The following PCOLCE2 variants were observed in gnomAD, a reference collection of about 807,000 sequenced individuals.
The protein encoded by PCOLCE2 is procollagen C-endopeptidase enhancer 2, also known as procollagen C-proteinase enhancer 2.
Under a neutral mutation model 47.0 loss-of-function variants are expected in PCOLCE2, and 42 were observed. The observed-to-expected ratio is 0.89, with a 90% confidence interval of 0.70 to 1.16. The LOEUF (loss-of-function observed/expected upper bound fraction) is 1.16, where lower values mean the gene tolerates loss of function less well. Among genes scored for constraint, PCOLCE2 ranks in the 50% most tolerant of loss-of-function variants. The probability of loss-of-function intolerance (pLI) is 0.00; values close to 1 mark genes in which losing one functional copy is unlikely to be tolerated. For synonymous variants in PCOLCE2, 169 were observed against 191.7 expected, an observed-to-expected ratio of 0.88 and a Z score of 0.98; for missense variants, 500 against 526.1, an observed-to-expected ratio of 0.95 and a Z score of 0.49.
intron 2 of PCOLCE2, among the ~76,000 whole-genome samples, chr3:142,872,713 T>TA (rs2108208638): frequency 6.6e-6 from 1 of 152,328 alleles, no homozygotes. Context: ...TGCCTCCTGT[T>TA]ACATGGCTCC....
Position 142,888,980 on chromosome 3 carries a change from C to CGCTCACACTGGCAGCAGCGCTG in PCOLCE2, c.-106_-85dup, listed in dbSNP as rs1553819751. On this transcript the variant is annotated 5_prime_UTR_variant, in exon 1 of 9. Coordinates refer to ENST00000295992, the MANE Select transcript of PCOLCE2 (RefSeq NM_013363.4). ...TCCGCACCCACCGCGCTCACACCGC[C>CGCTCACACTGGCAGCAGCGCTG]GCTCACACTGGCAGCAGCGCTGGCT... 120,324 of 513,882 alleles carry CGCTCACACTGGCAGCAGCGCTG rather than the reference C, an allele frequency of 0.23. 20,784 individuals carry two copies. Among genetic ancestry groups the CGCTCACACTGGCAGCAGCGCTG allele is most frequent in the Non-Finnish European group, 0.26 (82,607 of 316,134 alleles). 31.8% of individuals were successfully genotyped at this position (513,882 alleles called of 1,614,324 possible).
At chr3:142,857,989 T>A (rs1390362145) in intron 2 of PCOLCE2, among the ~76,000 whole-genome samples, 1 of 152,210 alleles carries the variant, frequency 6.6e-6, no homozygotes, top group Non-Finnish European at 1.5e-5. Flanking sequence ...TGAGGTCGTA[T>A]GTAAATTCCC....
At position 142,848,339 on chromosome 3, in the gene PCOLCE2, G is replaced by C; in HGVS notation, c.326C>G (p.Thr109Ser). ...NGQRIGRFCG[T>S]FRPGALVSSG... ...GGACACAAGGGCTCCAGGCCGGAAA[G>C]TGCCACAGAAGCGGCCAATGCGCTG... Residue 109 changes from threonine (T) to serine (S), a missense_variant, in exon 3 of 9, where the codon ACT becomes AGT. Physicochemically the swap from Thr to Ser is moderately conservative, Grantham distance 58. Transcript: ENST00000295992. The C allele has an allele frequency of 6.2e-7, 1 of 1,614,238 alleles. No individual in the cohort carries two copies. Among genetic ancestry groups the C allele is most frequent in the African/African-American group, 1.3e-5 (1 of 75,068 alleles).
intron 5 of PCOLCE2, among the ~76,000 whole-genome samples, chr3:142,833,316 G>A (rs1413006414): frequency 6.6e-6 from 1 of 151,982 alleles, no homozygotes; most frequent in Non-Finnish European, 1.5e-5. Context: ...AGCCTCCCAA[G>A]TAGCGGGGAT....
intron 2 of PCOLCE2, among the ~76,000 whole-genome samples, chr3:142,886,360 C>T (rs1181732147): frequency 1.3e-5 from 2 of 150,206 alleles, no homozygotes; most frequent in African/African-American, 5.1e-5. Context: ...AAACTTATGG[C>T]CATTTAATTA....
intron 6 of PCOLCE2, among the ~76,000 whole-genome samples, chr3:142,825,351 CATCTT>C (rs911492678): frequency 2.6e-5 from 4 of 152,138 alleles, no homozygotes; most frequent in African/African-American, 9.7e-5. Context: ...TTCCCCTCCT[CATCTT>C]AACTGTCATC....
At chr3:142,865,971 G>C (rs1933275012) in intron 2 of PCOLCE2, among the ~76,000 whole-genome samples, 1 of 152,170 alleles carries the variant, frequency 6.6e-6, no homozygotes, top group Non-Finnish European at 1.5e-5. Flanking sequence ...CAGATCAATG[G>C]AACAGAAGAG....
intron 2 of PCOLCE2, among the ~76,000 whole-genome samples, chr3:142,856,767 A>G (rs910353037): frequency 6.6e-6 from 1 of 152,222 alleles, no homozygotes; most frequent in African/African-American, 2.4e-5. Flanking sequence ...TCCTTTGGCC[A>G]GTGATACCCT....
At chr3:142,875,260 T>A (rs1313983351) in intron 2 of PCOLCE2, among the ~76,000 whole-genome samples, 2 of 152,170 alleles carry the variant, frequency 1.3e-5, no homozygotes, top group African/African-American at 4.8e-5. Context: ...TGGCTCAAGC[T>A]CCCAGCAGCT....
intron 7 of PCOLCE2, 51 bp from the exon 8 acceptor site, chr3:142,821,096 C>A: frequency 7.1e-7 from 1 of 1,408,228 alleles, no homozygotes; most frequent in Non-Finnish European, 9.9e-7. Flanking sequence ...CAAATGCAAG[C>A]AGAACTGAAA....
At chr3:142,851,526 C>T (rs376268837) in intron 2 of PCOLCE2, among the ~76,000 whole-genome samples, 9 of 152,092 alleles carry the variant, frequency 5.9e-5, no homozygotes, top group South Asian at 2.1e-4. Context: ...GAAATCAGGA[C>T]GCTGTGGGGT....
intron 7 of PCOLCE2, among the ~76,000 whole-genome samples, chr3:142,821,906 GT>G (rs201944179): frequency 6.6e-6 from 1 of 150,866 alleles, no homozygotes; most frequent in African/African-American, 2.4e-5. Flanking sequence ...ACTGAATACA[GT>G]TTTTTTTTGT....
At chr3:142,848,924 T>C (rs1053083037) in intron 2 of PCOLCE2, among the ~76,000 whole-genome samples, 2 of 152,000 alleles carry the variant, frequency 1.3e-5, no homozygotes, top group Admixed American at 1.3e-4. Context: ...GAGGCCGAGG[T>C]GGGCGGATCA....
At chr3:142,850,052 G>T (rs927329294) in intron 2 of PCOLCE2, among the ~76,000 whole-genome samples, 1 of 152,192 alleles carries the variant, frequency 6.6e-6, no homozygotes, top group African/African-American at 2.4e-5. Flanking sequence ...TCTCAGTGGT[G>T]TGAATATCAG....
intron 2 of PCOLCE2, among the ~76,000 whole-genome samples, chr3:142,878,474 G>C (rs940510936): frequency 6.6e-6 from 1 of 152,178 alleles, no homozygotes; most frequent in Non-Finnish European, 1.5e-5. Context: ...TCTAAGTTGA[G>C]AGTGGGGATT....
intron 5 of PCOLCE2, among the ~76,000 whole-genome samples, chr3:142,831,321 G>C (rs371660263): frequency 9.2e-5 from 14 of 152,314 alleles, no homozygotes; most frequent in African/African-American, 3.4e-4. Flanking sequence ...ACCTGAGTTA[G>C]CATGCTCTGC....
chr3:142,856,935 A>G (rs368731055), intron 2 of PCOLCE2, among the ~76,000 whole-genome samples: 1 of 151,042 alleles, frequency 6.6e-6, no homozygotes, highest in Non-Finnish European at 1.5e-5. Context: ...AAGGGTTTAC[A>G]GCAAAAATTT....
At chr3:142,866,614 C>T (rs1933287383) in intron 2 of PCOLCE2, among the ~76,000 whole-genome samples, 1 of 152,150 alleles carries the variant, frequency 6.6e-6, no homozygotes, top group South Asian at 2.1e-4. Context: ...ATCATAACCC[C>T]ATCTCACACC....
At chr3:142,856,437 G>A (rs1023845192) in intron 2 of PCOLCE2, among the ~76,000 whole-genome samples, 1 of 152,170 alleles carries the variant, frequency 6.6e-6, no homozygotes, top group Non-Finnish European at 1.5e-5. Flanking sequence ...GCTACAAAAC[G>A]AACAAGACAG....
Sources: gnomAD v4.1 joint callset for allele counts (sites outside exome capture counted in the v4.1 genomes callset) on GRCh38, gnomAD v4.1.1 for gene constraint, MANE v1.5 for transcripts, NCBI Gene and HGNC (gene_info 2026-07-23, HGNC 2026-07-21) for gene names.